The following PARD3 variants were observed in gnomAD, a reference collection of about 807,000 sequenced individuals.
The protein encoded by PARD3 is par-3 family cell polarity regulator.
In PARD3, 75 loss-of-function variants were observed where a neutral mutation model predicts 155.4. The ratio of observed to expected loss-of-function variants is 0.48; its 90% confidence interval spans 0.40 to 0.58. The LOEUF is 0.58. PARD3 is among the 20% of genes least tolerant of loss of function. PARD3 has a pLI of 0.00. For missense variants in PARD3, 1,642 were observed against 1,721.7 expected (o/e 0.95, Z 0.82); for synonymous variants, 576 against 610.5 (o/e 0.94, Z 0.83).
intron 2 of PARD3, among the ~76,000 whole-genome samples, chr10:34,691,556 C>G (rs2094062496): frequency 1.3e-5 from 2 of 152,264 alleles, no homozygotes; most frequent in South Asian, 4.1e-4. Flanking sequence ...CCCTATCAAA[C>G]TATACCAATG....
intron 2 of PARD3, among the ~76,000 whole-genome samples, chr10:34,620,911 T>G (rs923935529): frequency 1.3e-5 from 2 of 152,250 alleles, no homozygotes; most frequent in Non-Finnish European, 2.9e-5. Flanking sequence ...CTACATGTGT[T>G]CTTTCATTAT....
At chr10:34,450,482 A>T in intron 4 of PARD3, 34 bp from the exon 5 acceptor site, 1 of 1,590,448 alleles carries the variant, frequency 6.3e-7, no homozygotes, top group Non-Finnish European at 8.5e-7. Flanking sequence ...TGTCTTGTAA[A>T]AAACCAGACC....
chr10:34,148,698 T>C (rs1948638421), intron 22 of PARD3, among the ~76,000 whole-genome samples: 1 of 152,212 alleles, frequency 6.6e-6, no homozygotes, highest in African/African-American at 2.4e-5. Context: ...ATTTATACGA[T>C]ACTTAATATT....
intron 22 of PARD3, among the ~76,000 whole-genome samples, chr10:34,158,260 A>G (rs1054370073): frequency 6.6e-6 from 1 of 152,208 alleles, no homozygotes; most frequent in Non-Finnish European, 1.5e-5. Flanking sequence ...GAGAGAGAGA[A>G]AAGACAAATT....
chr10:34,608,534 CTTTTTTTTT>C (rs71299715), intron 2 of PARD3, among the ~76,000 whole-genome samples: 1 of 125,402 alleles, frequency 8.0e-6, no homozygotes, highest in Admixed American at 8.2e-5. Context: ...AAAAAGAATA[CTTTTTTTTT>C]TTTTTTTTTG....
chr10:34,568,140 A>C (rs563976467), intron 2 of PARD3, among the ~76,000 whole-genome samples: 1 of 152,208 alleles, frequency 6.6e-6, no homozygotes, highest in African/African-American at 2.4e-5. Flanking sequence ...TGTTATCCAC[A>C]GTTCTTAGTG....
chr10:34,525,977 A>G (rs2082448395), intron 2 of PARD3, among the ~76,000 whole-genome samples: 1 of 146,468 alleles, frequency 6.8e-6, no homozygotes, highest in African/African-American at 2.5e-5. Flanking sequence ...GCTACTCGGG[A>G]GGCTGAGGCA....
intron 2 of PARD3, among the ~76,000 whole-genome samples, chr10:34,563,792 G>A (rs2085703533): frequency 6.6e-6 from 1 of 152,166 alleles, no homozygotes; most frequent in Non-Finnish European, 1.5e-5. Context: ...GCCTCCCAAA[G>A]TGTTGGGATT....
chr10:34,124,774 G>C (rs2132717315), intron 23 of PARD3, among the ~76,000 whole-genome samples: 1 of 152,294 alleles, frequency 6.6e-6, no homozygotes, highest in African/African-American at 2.4e-5. Context: ...TCACACCAGT[G>C]CTTAGATCTT....
intron 9 of PARD3, among the ~76,000 whole-genome samples, chr10:34,378,459 G>A (rs1225796469): frequency 6.6e-6 from 1 of 152,114 alleles, no homozygotes; most frequent in Non-Finnish European, 1.5e-5. Context: ...AAGACCCACA[G>A]TACCTCAAAA....
At chr10:34,464,301 T>A (rs2077869985) in intron 4 of PARD3, among the ~76,000 whole-genome samples, 1 of 152,130 alleles carries the variant, frequency 6.6e-6, no homozygotes, top group African/African-American at 2.4e-5. Flanking sequence ...AGTAAGACAG[T>A]AAGTTCTGGA....
Position 34,261,825 on chromosome 10 carries a change from G to GAAAC in PARD3, c.3419+7828_3419+7831dup, listed in dbSNP as rs1159390036. ...AGAAAGAAAGAAAGAAAGAAAGAAA[G>GAAAC]AAACAAACAAACAAACAAACACACA... is the stretch of plus-strand genomic sequence containing the variant. On this transcript the variant is annotated intron_variant, in intron 22 of 24. Transcript: ENST00000374788. Among the ~76,000 whole-genome samples, 793 of 138,960 alleles carry GAAAC rather than the reference G, an allele frequency of 5.7e-3. 34 individuals are homozygous for GAAAC. Among genetic ancestry groups the GAAAC allele is most frequent in the East Asian group, 0.044 (203 of 4,562 alleles). 91.2% of individuals were successfully genotyped at this position (138,960 alleles called of 152,430 possible).
intron 2 of PARD3, among the ~76,000 whole-genome samples, chr10:34,652,015 C>A (rs2093028403): frequency 6.6e-6 from 1 of 152,146 alleles, no homozygotes; most frequent in African/African-American, 2.4e-5. Flanking sequence ...AGCATCTGAC[C>A]CACACGGCCA....
intron 20 of PARD3, among the ~76,000 whole-genome samples, chr10:34,310,850 A>C (rs1291670340): frequency 6.6e-6 from 1 of 152,250 alleles, no homozygotes; most frequent in African/African-American, 2.4e-5. Context: ...CCCAGGGTGT[A>C]TAATCACAAA....
At chr10:34,645,138 C>T (rs1295817109) in intron 2 of PARD3, among the ~76,000 whole-genome samples, 1 of 152,056 alleles carries the variant, frequency 6.6e-6, no homozygotes, top group African/African-American at 2.4e-5. Flanking sequence ...CAGGCATGAG[C>T]CATCACACCC....
chr10:34,401,124 A>G (rs1371609622), intron 6 of PARD3, among the ~76,000 whole-genome samples: 1 of 152,044 alleles, frequency 6.6e-6, no homozygotes, highest in East Asian at 1.9e-4. Context: ...TATATCCCCA[A>G]CTTTTGCCCA....
chr10:34,642,503 C>A (rs2092709999), intron 2 of PARD3, among the ~76,000 whole-genome samples: 1 of 152,074 alleles, frequency 6.6e-6, no homozygotes, highest in Admixed American at 6.5e-5. Flanking sequence ...TGGCGGAGAA[C>A]TTCCAGGTCC....
intron 15 of PARD3, chr10:34,345,258 T>C (rs749928775): frequency 1.6e-5 from 16 of 985,262 alleles, no homozygotes; most frequent in Non-Finnish European, 1.8e-5. Flanking sequence ...CTAAAGGCTC[T>C]TCCTTTTGGG....
intron 2 of PARD3, among the ~76,000 whole-genome samples, chr10:34,579,279 A>AG (rs2087182025): frequency 6.6e-6 from 1 of 151,552 alleles, no homozygotes; most frequent in Admixed American, 6.6e-5. Context: ...AAAAAAAAAA[A>AG]AAAGAAAAAG....
Sources: allele counts gnomAD v4.1 joint callset (sites outside exome capture counted in the v4.1 genomes callset), GRCh38; gene constraint gnomAD v4.1.1; transcripts MANE v1.5; gene names NCBI Gene and HGNC (gene_info 2026-07-23, HGNC 2026-07-21).